Variants in FCHSD2 observed in about 807,000 individuals in gnomAD.
The protein encoded by FCHSD2 is F-BAR and double SH3 domains protein 2.
FCHSD2 carries 38 observed loss-of-function variants against 108.1 expected under a neutral mutation model. The ratio of observed to expected loss-of-function variants is 0.35; its 90% CI spans 0.27 to 0.46. FCHSD2 has a LOEUF of 0.46. Among genes scored for constraint, FCHSD2 ranks in the 20% least tolerant of loss-of-function variants. The pLI is 1.00. For missense variants in FCHSD2, 751 were observed against 897.8 expected, an observed-to-expected ratio of 0.84 and a Z score of 2.09; for synonymous variants, 279 against 314.7, an observed-to-expected ratio of 0.89 and a Z score of 1.20.
chr11:73,102,459 A>G (rs1860246790), intron 2 of FCHSD2, among the ~76,000 whole-genome samples: 1 of 152,268 alleles, frequency 6.6e-6, no homozygotes, highest in African/African-American at 2.4e-5. Context: ...AGCATTATTT[A>G]TAATAGCCAA....
chr11:72,912,889 A>G (rs976590978), intron 9 of FCHSD2, among the ~76,000 whole-genome samples: 14 of 152,182 alleles, frequency 9.2e-5, no homozygotes, highest in African/African-American at 3.4e-4. Flanking sequence ...GCTATAATGA[A>G]CTACCTGAGA....
chr11:73,129,979 C>T (rs187999986), intron 2 of FCHSD2, among the ~76,000 whole-genome samples: 112 of 150,716 alleles, frequency 7.4e-4, no homozygotes, highest in African/African-American at 2.5e-3. Context: ...CCCGGGTTCA[C>T]GTCATTCTCC....
intron 12 of FCHSD2, among the ~76,000 whole-genome samples, chr11:72,878,900 A>T (rs1008880896): frequency 3.3e-5 from 5 of 152,104 alleles, no homozygotes; most frequent in African/African-American, 1.2e-4. Context: ...TGAGGTCAGG[A>T]GTTCGAGACC....
At chr11:72,931,803 T>C (rs1471438366) in intron 8 of FCHSD2, among the ~76,000 whole-genome samples, 1 of 152,150 alleles carries the variant, frequency 6.6e-6, no homozygotes. Context: ...TGCATAACAG[T>C]ATCCAACAAA....
chr11:72,845,406 C>G (rs1249567307), intron 14 of FCHSD2, among the ~76,000 whole-genome samples: 1 of 146,416 alleles, frequency 6.8e-6, no homozygotes, highest in Non-Finnish European at 1.5e-5. Context: ...CCACTGCACT[C>G]CAGCCTGGGT....
intron 3 of FCHSD2, among the ~76,000 whole-genome samples, chr11:73,053,620 T>C (rs1858953721): frequency 6.6e-6 from 1 of 152,224 alleles, no homozygotes; most frequent in African/African-American, 2.4e-5. Context: ...CTAGATTAGA[T>C]AAACTAATAG....
At chr11:72,888,389 CAG>C (rs1433260053) in intron 11 of FCHSD2, among the ~76,000 whole-genome samples, 5 of 151,972 alleles carry the variant, frequency 3.3e-5, no homozygotes, top group African/African-American at 9.7e-5. Flanking sequence ...TAAGCTTAGA[CAG>C]GGGAAGGAAA....
At chr11:73,068,580 T>C (rs1476570789) in intron 3 of FCHSD2, among the ~76,000 whole-genome samples, 1 of 152,046 alleles carries the variant, frequency 6.6e-6, no homozygotes, top group Non-Finnish European at 1.5e-5. Context: ...TATATATTTT[T>C]GGTTTAAAGT....
chr11:72,901,865 GTTTT>G (rs200661196), intron 10 of FCHSD2, among the ~76,000 whole-genome samples: 14 of 147,860 alleles, frequency 9.5e-5, no homozygotes, highest in African/African-American at 3.0e-4. Context: ...TTCTATTCTG[GTTTT>G]TTTTTTGTTT....
At chr11:72,924,964 G>A (rs1332010633) in intron 8 of FCHSD2, among the ~76,000 whole-genome samples, 1 of 151,934 alleles carries the variant, frequency 6.6e-6, no homozygotes, top group East Asian at 1.9e-4. Flanking sequence ...CCTTAGAAAT[G>A]GTCTTGGTGG....
chr11:72,867,657 C>T (rs903209613), intron 13 of FCHSD2, among the ~76,000 whole-genome samples: 1 of 152,066 alleles, frequency 6.6e-6, no homozygotes, highest in African/African-American at 2.4e-5. Flanking sequence ...TATTCTTCAT[C>T]ATACATTAAA....
intron 4 of FCHSD2, among the ~76,000 whole-genome samples, chr11:73,009,041 A>T (rs1014276335): frequency 7.2e-6 from 1 of 138,838 alleles, no homozygotes; most frequent in African/African-American, 2.9e-5. Flanking sequence ...TCTCAAATTT[A>T]AAAAAAAAAA....
intron 12 of FCHSD2, among the ~76,000 whole-genome samples, chr11:72,875,059 A>G (rs1854939103): frequency 6.6e-6 from 1 of 152,230 alleles, no homozygotes; most frequent in Non-Finnish European, 1.5e-5. Flanking sequence ...AAACACATAT[A>G]AGTGTAAAGC....
At chr11:72,877,842 C>CA (rs945235931) in intron 12 of FCHSD2, among the ~76,000 whole-genome samples, 7 of 151,842 alleles carry the variant, frequency 4.6e-5, no homozygotes, top group African/African-American at 9.7e-5. Context: ...CCTGTCTCTA[C>CA]AAAAAATGCA....
At chr11:72,949,279 G>A (rs1489110008) in intron 8 of FCHSD2, among the ~76,000 whole-genome samples, 1 of 151,792 alleles carries the variant, frequency 6.6e-6, no homozygotes, top group Non-Finnish European at 1.5e-5. Context: ...GTGAAACCCT[G>A]TCTCTACTAA....
At chr11:72,967,127 G>A (rs560081132) in intron 8 of FCHSD2, among the ~76,000 whole-genome samples, 6 of 151,788 alleles carry the variant, frequency 4.0e-5, no homozygotes, top group Non-Finnish European at 7.4e-5. Context: ...GTGAACCCGG[G>A]AGGCAGAGCT....
chr11:72,978,167 G>C (rs538371021), intron 8 of FCHSD2, among the ~76,000 whole-genome samples: 54 of 152,122 alleles, frequency 3.5e-4, no homozygotes, highest in Middle Eastern at 3.4e-3. Flanking sequence ...GTCATGGGGT[G>C]GGGGGAGCGG....
chr11:72,850,068 T>G (rs1442389704), intron 13 of FCHSD2, among the ~76,000 whole-genome samples, 179 bp from the exon 14 acceptor site: 12 of 148,470 alleles, frequency 8.1e-5, no homozygotes, highest in African/African-American at 2.0e-4. Flanking sequence ...TTTTTTTTTT[T>G]TTTTTTTTTT....
chr11:72,880,563 T>C (rs1855062412), intron 12 of FCHSD2, among the ~76,000 whole-genome samples: 1 of 152,000 alleles, frequency 6.6e-6, no homozygotes, highest in Admixed American at 6.6e-5. Context: ...TGAAACTAGA[T>C]CCCTATCTCT....
Sources: gnomAD v4.1 joint callset for allele counts (sites outside exome capture counted in the v4.1 genomes callset) on GRCh38, gnomAD v4.1.1 for gene constraint, MANE v1.5 for transcripts, NCBI Gene and HGNC (gene_info 2026-07-23, HGNC 2026-07-21) for gene names.